Variants in ACYP2 observed in about 807,000 individuals in gnomAD.
ACYP2 encodes acylphosphatase-2.
A neutral mutation model predicts 11.2 loss-of-function variants in ACYP2; 12 were observed. That is an observed-to-expected ratio of 1.08 (90% CI 0.69 to 1.74). ACYP2 has a LOEUF of 1.74. Among genes scored for constraint, ACYP2 ranks in the 40% most tolerant of loss-of-function variants. The pLI is 0.00. For missense variants in ACYP2, 134 were observed against 101.9 expected (o/e 1.31, Z -1.35); for synonymous variants, 43 against 32.2 (o/e 1.33, Z -1.13).
chr2:54,229,557 C>A (rs1390819057), intron 6 of ACYP2, among the ~76,000 whole-genome samples: 2 of 152,070 alleles, frequency 1.3e-5, no homozygotes, highest in Non-Finnish European at 2.9e-5. Context: ...CAAGATAGTA[C>A]TTTTAGGAGA....
chr2:53,988,152 TC>T (rs1164674763), intron 2 of ACYP2, among the ~76,000 whole-genome samples: 5 of 151,988 alleles, frequency 3.3e-5, no homozygotes, highest in African/African-American at 4.8e-5. Flanking sequence ...ATTACTTGAG[TC>T]CAGGAGTTCA....
chr2:54,006,656 C>G (rs1673081099), intron 2 of ACYP2, among the ~76,000 whole-genome samples: 2 of 152,060 alleles, frequency 1.3e-5, no homozygotes, highest in Non-Finnish European at 2.9e-5. Flanking sequence ...TTTTCCCAGA[C>G]AGGGTCTTGC....
chr2:54,048,120 T>C, intron 2 of ACYP2, among the ~76,000 whole-genome samples: 1 of 152,286 alleles, frequency 6.6e-6, no homozygotes, highest in East Asian at 1.9e-4. Context: ...TTTATATATA[T>C]TTTTTGTAAT....
intron 6 of ACYP2, among the ~76,000 whole-genome samples, chr2:54,225,129 G>C (rs1685958409): frequency 6.6e-6 from 1 of 152,192 alleles, no homozygotes; most frequent in African/African-American, 2.4e-5. Flanking sequence ...ACAGTGTGCT[G>C]AGTGCCATGT....
rs13401799 is a variant in ACYP2 at position 54,255,942 on chromosome 2, A to G, written c.405-48746A>G. On this transcript the variant is annotated intron_variant, in intron 6 of 6. Transcript: ENST00000607452. ...GACCCGCATCGACCAAGATGTGGAA[A>G]GTATGGCCACCATCTGCGGGATCCT... The G allele has an allele frequency of 1.7e-3, 2,737 of 1,614,088 alleles. 49 individuals carry two copies. The African/African-American group carries it at 0.033, about 20-fold the overall frequency.
chr2:53,996,368 T>A (rs529093434), intron 2 of ACYP2, among the ~76,000 whole-genome samples: 1 of 151,836 alleles, frequency 6.6e-6, no homozygotes, highest in Admixed American at 6.6e-5. Flanking sequence ...GGATGGAGGA[T>A]TGGGTAAAGA....
intron 2 of ACYP2, among the ~76,000 whole-genome samples, chr2:53,989,002 C>G (rs1672156410): frequency 6.6e-6 from 1 of 152,174 alleles, no homozygotes; most frequent in Non-Finnish European, 1.5e-5. Flanking sequence ...TCTGCCTCGG[C>G]CTCCCAAAGT....
intron 6 of ACYP2, among the ~76,000 whole-genome samples, chr2:54,285,959 C>A (rs1398342014): frequency 1.3e-5 from 2 of 152,094 alleles, no homozygotes; most frequent in African/African-American, 2.4e-5. Context: ...GGACTGCCCA[C>A]CTTCAGGCTT....
chr2:54,190,741 C>G (rs577154483), intron 6 of ACYP2, among the ~76,000 whole-genome samples: 2 of 152,006 alleles, frequency 1.3e-5, no homozygotes, highest in Non-Finnish European at 2.9e-5. Flanking sequence ...GGATATACCC[C>G]AGATGTTTAT....
rs144017368 is a variant in ACYP2, at chr2:54,195,345, G to C, written c.404+56597G>C. Among the ~76,000 whole-genome samples, 592 of 152,226 alleles carry C rather than the reference G, an allele frequency of 3.9e-3. 4 individuals are homozygous for C. The highest frequency in any genetic ancestry group is 0.013 in the African/African-American group (559 of 41,522). ...ACTGAGAGATGATATTAATATTTTA[G>C]ATATATATCCTTTGACAGTCAGCTT... is the stretch of plus-strand genomic sequence containing the variant. On this transcript the variant is annotated intron_variant, in intron 6 of 6. Coordinates refer to ENST00000607452, the MANE Select transcript of ACYP2 (RefSeq NM_001320586.2).
intron 4 of ACYP2, among the ~76,000 whole-genome samples, chr2:54,122,812 C>A (rs1054461965): frequency 6.6e-5 from 10 of 152,306 alleles, no homozygotes; most frequent in Non-Finnish European, 1.3e-4. Flanking sequence ...GCTCACCTTC[C>A]TCCCAAGGCT....
chr2:53,994,219 A>G (rs112357744), intron 2 of ACYP2, among the ~76,000 whole-genome samples: 2,750 of 149,920 alleles, frequency 0.018, 40 homozygotes, highest in Middle Eastern at 0.028. Flanking sequence ...AGCCCCAGCT[A>G]CTCGGAAGGC....
At chr2:54,292,802 G>A (rs1056945933) in intron 6 of ACYP2, among the ~76,000 whole-genome samples, 3 of 151,990 alleles carry the variant, frequency 2.0e-5, no homozygotes, top group Admixed American at 2.0e-4. Context: ...TTTGTGACAT[G>A]TCATTTTATA....
intron 4 of ACYP2, among the ~76,000 whole-genome samples, chr2:54,107,291 C>T (rs191226371): frequency 9.2e-5 from 14 of 152,266 alleles, no homozygotes; most frequent in East Asian, 1.9e-4. Flanking sequence ...TTGCATAATA[C>T]AGGCTACCTA....
At chr2:54,215,046 C>A (rs559426793) in intron 6 of ACYP2, among the ~76,000 whole-genome samples, 1 of 152,104 alleles carries the variant, frequency 6.6e-6, no homozygotes, top group Non-Finnish European at 1.5e-5. Context: ...GTTTGGCTCT[C>A]AGCTTGGATG....
intron 6 of ACYP2, among the ~76,000 whole-genome samples, chr2:54,168,342 A>G (rs1358321971): frequency 2.0e-5 from 3 of 152,134 alleles, no homozygotes; most frequent in African/African-American, 7.2e-5. Context: ...GAGGAGAATC[A>G]CTGAAACCGG....
intron 4 of ACYP2, among the ~76,000 whole-genome samples, chr2:54,096,799 G>T (rs1021096521): frequency 6.9e-6 from 1 of 145,550 alleles, no homozygotes; most frequent in Non-Finnish European, 1.5e-5. Flanking sequence ...TCCAGCCTTG[G>T]CTCGGCATCA....
intron 6 of ACYP2, among the ~76,000 whole-genome samples, chr2:54,303,332 C>G (rs1015135573): frequency 1.3e-5 from 2 of 152,066 alleles, no homozygotes; most frequent in East Asian, 3.9e-4. Flanking sequence ...GCCTGGGTGA[C>G]AGAGTGAGAC....
At position 54,260,211 on chromosome 2, in the gene ACYP2, G is replaced by T. The variant is rs530844284; in HGVS notation, c.405-44477G>T. Among the ~76,000 whole-genome samples the T allele has an allele frequency of 1.6e-4, 25 of 152,234 alleles. No homozygotes were observed. The South Asian group carries it at 2.5e-3, about 15-fold the overall frequency. ...AGGTAGAAGTGATAGTGAGATTTAT[G>T]AAATCGTCTTCTGATTGCTTCATTG... is the stretch of plus-strand genomic sequence containing the variant. On this transcript the variant is annotated intron_variant, in intron 6 of 6. Coordinates refer to ENST00000607452, the MANE Select transcript of ACYP2 (RefSeq NM_001320586.2).
Sources: allele counts gnomAD v4.1 joint callset (sites outside exome capture counted in the v4.1 genomes callset), GRCh38; gene constraint gnomAD v4.1.1; transcripts MANE v1.5; gene names NCBI Gene and HGNC (gene_info 2026-07-23, HGNC 2026-07-21).